Variants in KLHL23 observed in about 807,000 individuals in gnomAD.
The protein encoded by KLHL23 is kelch-like protein 23.
A neutral mutation model predicts 48.9 loss-of-function variants in KLHL23; 33 were observed. The observed-to-expected ratio is 0.67, with a 90% confidence interval of 0.51 to 0.90. The LOEUF (loss-of-function observed/expected upper bound fraction) is 0.90, where lower values mean the gene tolerates loss of function less well. KLHL23 is among the 40% of genes least tolerant of loss of function. KLHL23 has a pLI of 0.00. For missense variants in KLHL23, 608 were observed against 669.6 expected, an observed-to-expected ratio of 0.91 and a Z score of 1.02; for synonymous variants, 234 against 231.6, an observed-to-expected ratio of 1.01 and a Z score of -0.09.
chr2:169,741,999 C>G (rs1369035525), intron 3 of KLHL23, among the ~76,000 whole-genome samples: 1 of 152,200 alleles, frequency 6.6e-6, no homozygotes, highest in Non-Finnish European at 1.5e-5. Flanking sequence ...GCACTCACTC[C>G]TACAATGTGC....
intron 3 of KLHL23, among the ~76,000 whole-genome samples, chr2:169,745,742 A>G (rs1688782364): frequency 6.6e-6 from 1 of 152,142 alleles, no homozygotes; most frequent in Non-Finnish European, 1.5e-5. Context: ...GAGAGAAAGG[A>G]GTTGACAGTC....
In KLHL23 at chr2:169,750,043, A is replaced by ACGTATGTATACATATATGTGTATATAC. The variant is rs11444477; in HGVS notation, c.*311_*312insCGTATGTATACATATATGTGTATATAC. ...TGTATGTATACATATGTGTATATAT[A>ACGTATGTATACATATATGTGTATATAC]GTATGTATGTATACATGTATGTGTA... On this transcript the variant is annotated 3_prime_UTR_variant, in exon 4 of 4. Transcript: ENST00000392647. 2.3e-4 allele frequency: 5 copies of ACGTATGTATACATATATGTGTATATAC among 21,350 alleles called. No homozygotes were observed. Among genetic ancestry groups the ACGTATGTATACATATATGTGTATATAC allele is most frequent in the African/African-American group, 7.4e-4 (5 of 6,794 alleles). 1.3% of individuals were successfully genotyped at this position (21,350 alleles called of 1,614,324 possible).
At chr2:169,739,846 G>A (rs1330606836) in intron 2 of KLHL23, among the ~76,000 whole-genome samples, 2 of 152,134 alleles carry the variant, frequency 1.3e-5, no homozygotes, top group African/African-American at 4.8e-5. Flanking sequence ...CCTAGGCTGT[G>A]TGGTATAGCC....
intron 3 of KLHL23, among the ~76,000 whole-genome samples, chr2:169,742,767 A>ACTAG: frequency 1.3e-5 from 2 of 152,318 alleles, no homozygotes; most frequent in Middle Eastern, 3.4e-3. Flanking sequence ...CCCTCCTAGT[A>ACTAG]GCCCAAATGG....
rs759590463 is a variant in KLHL23 at position 169,735,040 on chromosome 2, A to G, written c.26A>G (p.Tyr9Cys). 2.5e-5 allele frequency: 40 copies of G among 1,570,900 alleles called. No individual in the cohort carries two copies. Among genetic ancestry groups the G allele is most frequent in the South Asian group, 6.0e-5 (5 of 83,524 alleles). MALKGQED[Y>C]IYLFKDSTHP... Reference sequence around the variant, plus strand: ...ATGGCTCTAAAAGGACAAGAAGATTATATTTATCTTTTCAAGGATTCAACA... The same window carrying G: ...ATGGCTCTAAAAGGACAAGAAGATTGTATTTATCTTTTCAAGGATTCAACA... The change falls in exon 2 of 4, where the codon TAT (tyrosine) becomes TGT (cysteine). Residue 9 changes from tyrosine to cysteine, a missense_variant. By Grantham distance (194) the Tyr-to-Cys change is radical (BLOSUM62 -2). Around this residue, in one of 3 missense-constraint regions of KLHL23, gnomAD observed 419 missense variants for 473.1 expected, o/e 0.89. Transcript: ENST00000392647. This position sits in a 1 kb window ranked among gnomAD's most constrained non-coding sequence, Gnocchi z 4.5.
At position 169,749,916 on chromosome 2, in the gene KLHL23, T is replaced by G; in HGVS notation, c.*184T>G. 9.1e-6 allele frequency: 1 copy of G among 109,716 alleles called. No homozygotes were observed. The highest frequency in any genetic ancestry group is 2.2e-4 in the Admixed American group (1 of 4,620). The allele number at this position is 109,716 out of a possible 1,614,324, so 6.8% of individuals were successfully genotyped here. ...TGATTCATGGTCAAGAAAAATCTTA[T>G]ATATATATATATATACACACACACA... On this transcript the variant is annotated 3_prime_UTR_variant, in exon 4 of 4. Transcript: ENST00000392647.
In KLHL23 at chr2:169,750,795, G is replaced by A. The variant is rs1312235252; in HGVS notation, c.*1063G>A. ...TGCTAAGAACTGTTTTTAATTTTCA[G>A]CTTTGATGTAAATTGCTAGCTTAGT... is the stretch of plus-strand genomic sequence containing the variant. On this transcript the variant is annotated 3_prime_UTR_variant, in exon 4 of 4. Transcript: ENST00000392647. The A allele has an allele frequency of 2.0e-5, 3 of 152,150 alleles. No individual in the cohort carries two copies. Among genetic ancestry groups the A allele is most frequent in the Non-Finnish European group, 4.4e-5 (3 of 68,020 alleles). The allele number at this position is 152,150 out of a possible 1,614,324, so 9.4% of individuals were successfully genotyped here.
chr2:169,744,110 A>G (rs550666355), intron 3 of KLHL23, among the ~76,000 whole-genome samples: 1 of 152,336 alleles, frequency 6.6e-6, no homozygotes, highest in Middle Eastern at 3.4e-3. Context: ...CTACATTGGA[A>G]AAGGTAGGAT....
chr2:169,748,485 T>G (rs1574530142), intron 3 of KLHL23, among the ~76,000 whole-genome samples: 1 of 151,864 alleles, frequency 6.6e-6, no homozygotes, highest in South Asian at 2.1e-4. Context: ...AGGCTAGGAG[T>G]GACGATAAAA....
At chr2:169,744,188 A>G (rs1020823478) in intron 3 of KLHL23, among the ~76,000 whole-genome samples, 1 of 152,190 alleles carries the variant, frequency 6.6e-6, no homozygotes, top group African/African-American at 2.4e-5. Flanking sequence ...TCCAGGAGCA[A>G]ATATACATAC....
chr2:169,735,113 A>C lies in KLHL23; in HGVS notation c.99A>C (p.Gly33=), dbSNP rs746936624. The part of the protein sequence containing the change: ...LDAFRTFYLD[G]LFTDITLQCP... Reference sequence around the variant, plus strand: ...CATTCAGAACATTTTACTTGGATGGATTATTTACTGATATTACTCTTCAGT... The same window carrying C: ...CATTCAGAACATTTTACTTGGATGGCTTATTTACTGATATTACTCTTCAGT... Residue 33 remains glycine (G), a synonymous_variant, in exon 2 of 4, where the codon GGA becomes GGC. Transcript: ENST00000392647. This position sits in a 1 kb window ranked among gnomAD's most constrained non-coding sequence, Gnocchi z 4.5. 1 of 1,611,642 alleles carries C rather than the reference A, an allele frequency of 6.2e-7. No individual in the cohort carries two copies. Among genetic ancestry groups the C allele is most frequent in the Admixed American group, 1.7e-5 (1 of 59,462 alleles).
chr2:169,749,387 A>T lies in KLHL23; in HGVS notation c.1367-35A>T, dbSNP rs533814161. On this transcript the variant is annotated intron_variant, in intron 3 of 3. Transcript: ENST00000392647. ...GAATCTCTTTTGTTTGTTATCCTTT[A>T]AAAAAATGCTGTTTTCTTTTTTTCT... is the stretch of plus-strand genomic sequence containing the variant. 6.6e-5 allele frequency: 101 copies of T among 1,522,384 alleles called. 1 individual carries two copies. In the East Asian group the frequency reaches 1.6e-3, roughly 25 times the overall value. 94.3% of individuals were successfully genotyped at this position (1,522,384 alleles called of 1,614,324 possible). A position where few individuals can be genotyped will look rare whatever the true frequency, so the allele number is the denominator to read the frequency against.
chr2:169,744,645 G>T (rs540466614), intron 3 of KLHL23, among the ~76,000 whole-genome samples: 1 of 149,052 alleles, frequency 6.7e-6, no homozygotes, highest in Non-Finnish European at 1.5e-5. Flanking sequence ...CGCAACATCC[G>T]CATCCCAGGT....
chr2:169,739,956 C>T (rs1320455157), intron 2 of KLHL23, among the ~76,000 whole-genome samples: 1 of 152,020 alleles, frequency 6.6e-6, no homozygotes, highest in Non-Finnish European at 1.5e-5. Context: ...AACATAGAAA[C>T]AGTACAGTAA....
Position 169,749,914 on chromosome 2 carries a change from T to TATAC in KLHL23, c.*185_*186insCATA, listed in dbSNP as rs1491243263. ...GGTGATTCATGGTCAAGAAAAATCT[T>TATAC]ATATATATATATATATACACACACA... On this transcript the variant is annotated 3_prime_UTR_variant, in exon 4 of 4. Coordinates refer to ENST00000392647, the MANE Select transcript of KLHL23 (RefSeq NM_144711.6). 2.5e-5 allele frequency: 2 copies of TATAC among 79,780 alleles called. No homozygotes were observed. Among genetic ancestry groups the TATAC allele is most frequent in the African/African-American group, 2.4e-4 (2 of 8,314 alleles). The allele number at this position is 79,780 out of a possible 1,614,324, so 4.9% of individuals were successfully genotyped here.
chr2:169,746,750 TC>T (rs1161984252), intron 3 of KLHL23, among the ~76,000 whole-genome samples: 1 of 152,254 alleles, frequency 6.6e-6, no homozygotes, highest in African/African-American at 2.4e-5. Flanking sequence ...CAGATGGCTT[TC>T]TTAACATATG....
rs878867310 is a variant in KLHL23, at chr2:169,750,045, T to C, written c.*313T>C. On this transcript the variant is annotated 3_prime_UTR_variant, in exon 4 of 4. Transcript: ENST00000392647. ...TATGTATACATATGTGTATATATAG[T>C]ATGTATGTATACATGTATGTGTATA... is the stretch of plus-strand genomic sequence containing the variant. 3.6e-4 allele frequency: 31 copies of C among 86,904 alleles called. 6 individuals carry two copies. Among genetic ancestry groups the C allele is most frequent in the Non-Finnish European group, 5.7e-4 (23 of 40,040 alleles). 5.4% of individuals were successfully genotyped at this position (86,904 alleles called of 1,614,324 possible).
intron 3 of KLHL23, among the ~76,000 whole-genome samples, chr2:169,742,394 C>G (rs986758073): frequency 1.3e-5 from 2 of 152,182 alleles, no homozygotes; most frequent in Non-Finnish European, 2.9e-5. Flanking sequence ...AGTCTGTGAG[C>G]AGGTATTGTT....
At position 169,741,484 on chromosome 2, in the gene KLHL23, G is replaced by T; in HGVS notation, c.1313G>T (p.Ser438Ile). 6.2e-7 allele frequency: 1 copy of T among 1,613,930 alleles called. No homozygotes were observed. Among genetic ancestry groups the T allele is most frequent in the Non-Finnish European group, 8.5e-7 (1 of 1,179,904 alleles). Reference protein sequence around the residue: ...RGSCTYDKVQSYNSDINEWSL... With the variant: ...RGSCTYDKVQIYNSDINEWSL... ...AGCTGCACCTATGACAAAGTTCAGA[G>T]CTACAATTCCGATATCAACGAATGG... is the stretch of plus-strand genomic sequence containing the variant. The change falls in exon 3 of 4, where the codon AGC becomes ATC. Residue 438 changes from serine to isoleucine, a missense_variant. This residue lies in a region of KLHL23 where 179 missense variants were observed against 169.9 expected (regional missense o/e 1.05). Transcript: ENST00000392647.
Sources: gnomAD v4.1 joint callset for allele counts (sites outside exome capture counted in the v4.1 genomes callset) on GRCh38, gnomAD v4.1.1 for gene constraint, gnomAD v4.1.1 regional missense constraint, Gnocchi (gnomAD v3.1) non-coding constraint, MANE v1.5 for transcripts, NCBI Gene and HGNC (gene_info 2026-07-23, HGNC 2026-07-21) for gene names.